The following WFDC1 variants were observed in gnomAD, a reference collection of about 807,000 sequenced individuals.
The protein encoded by WFDC1 is WAP four-disulfide core domain 1, also known as WAP four-disulfide core domain protein 1.
A neutral mutation model predicts 32.9 loss-of-function variants in WFDC1; 39 were observed. The ratio of observed to expected loss-of-function variants is 1.19; its 90% CI spans 0.92 to 1.55. WFDC1 has a LOEUF of 1.55. Ranked by LOEUF, WFDC1 falls within the 40% of genes most tolerant of loss-of-function variation. The pLI is 0.00. For missense variants in WFDC1, 386 were observed against 309.5 expected (o/e 1.25, Z -1.85); for synonymous variants, 184 against 137.4 (o/e 1.34, Z -2.37).
chr16:84,297,858 G>A (rs1009690967), intron 1 of WFDC1, among the ~76,000 whole-genome samples: 2 of 152,040 alleles, frequency 1.3e-5, no homozygotes, highest in African/African-American at 4.8e-5. Context: ...TGGCCCTTTC[G>A]TTCGACAGGG....
intron 1 of WFDC1, among the ~76,000 whole-genome samples, chr16:84,308,260 T>G (rs976844659): frequency 1.1e-4 from 16 of 152,034 alleles, no homozygotes; most frequent in South Asian, 2.1e-4. Context: ...GCCTTGGTGA[T>G]TCCACCAATT....
At chr16:84,301,993 G>T (rs1410294324) in intron 1 of WFDC1, among the ~76,000 whole-genome samples, 4 of 152,202 alleles carry the variant, frequency 2.6e-5, no homozygotes, top group African/African-American at 9.7e-5. Flanking sequence ...GGATGCCCAT[G>T]GGGTGAGCAC....
chr16:84,318,691 T>C (rs6564013), intron 3 of WFDC1: 242,180 of 244,514 alleles, frequency 0.99, 119,976 homozygotes, highest in East Asian at 1. Context: ...GAAGCCTCCC[T>C]GGGGGTGGGG....
chr16:84,305,934 C>T (rs908880174), intron 1 of WFDC1, among the ~76,000 whole-genome samples: 11 of 151,716 alleles, frequency 7.3e-5, no homozygotes, highest in East Asian at 1.9e-4. Flanking sequence ...GTCTGGGAGG[C>T]GGAGGTTGCA....
intron 1 of WFDC1, among the ~76,000 whole-genome samples, chr16:84,299,151 G>A (rs775666520): frequency 4.6e-5 from 7 of 151,954 alleles, no homozygotes; most frequent in Non-Finnish European, 8.8e-5. Flanking sequence ...TCCTGAGGTC[G>A]GGAGTTCAAA....
intron 5 of WFDC1, among the ~76,000 whole-genome samples, chr16:84,324,849 C>A (rs903089607): frequency 6.6e-6 from 1 of 151,894 alleles, no homozygotes; most frequent in Non-Finnish European, 1.5e-5. Flanking sequence ...CCCACCCATC[C>A]ATCTACCCAC....
chr16:84,319,745 C>G (rs1283831536), intron 4 of WFDC1, among the ~76,000 whole-genome samples, 174 bp downstream of exon 4: 5 of 152,180 alleles, frequency 3.3e-5, no homozygotes, highest in Non-Finnish European at 7.3e-5. Context: ...GGCCCCTACC[C>G]TTTCCCTGTC....
intron 1 of WFDC1, among the ~76,000 whole-genome samples, chr16:84,300,995 G>C (rs1906900113): frequency 6.6e-6 from 1 of 151,794 alleles, no homozygotes; most frequent in South Asian, 2.1e-4. Context: ...AGGAAAAGGA[G>C]AAGAGACATA....
chr16:84,325,539 C>T (rs887580535), intron 5 of WFDC1: 1 of 151,674 alleles, frequency 6.6e-6, no homozygotes, highest in African/African-American at 2.4e-5. Context: ...ATCCATCCAT[C>T]CACTCATCCA....
rs771082930 is a variant in WFDC1, at chr16:84,295,004, C to T, written c.33C>T (p.Cys11=). MPLTGVGPGS[C]RRQIIRALCL... is the part of the protein sequence containing the mutation. Reference sequence around the variant, plus strand: ...TAACCGGCGTGGGGCCGGGCAGCTGCAGGAGGCAGATCATCCGGGCTCTGT... The same window carrying T: ...TAACCGGCGTGGGGCCGGGCAGCTGTAGGAGGCAGATCATCCGGGCTCTGT... The change falls in exon 1 of 7, where the codon TGC becomes TGT. Residue 11 remains cysteine (C), a synonymous_variant. Transcript: ENST00000219454. 2 of 1,614,122 alleles carry T rather than the reference C, an allele frequency of 1.2e-6. No individual in the cohort carries two copies. The highest frequency in any genetic ancestry group is 1.7e-5 in the Admixed American group (1 of 60,026).
chr16:84,305,739 C>T (rs950410477), intron 1 of WFDC1, among the ~76,000 whole-genome samples: 7 of 152,162 alleles, frequency 4.6e-5, no homozygotes, highest in Non-Finnish European at 7.3e-5. Context: ...TGGTGGCTGA[C>T]GCTTGTAATC....
At chr16:84,317,283 ACT>A (rs1452152613) in intron 2 of WFDC1, 1 of 148,886 alleles carries the variant, frequency 6.7e-6, no homozygotes, top group East Asian at 2.0e-4. Context: ...ACAGAACAAG[ACT>A]CTGTCTCAAA....
intron 6 of WFDC1, chr16:84,327,247 C>A: frequency 8.6e-6 from 3 of 348,120 alleles, no homozygotes; most frequent in Non-Finnish European, 1.6e-5. Flanking sequence ...CTGGAGTGCA[C>A]TGGCACAATC....
intron 1 of WFDC1, among the ~76,000 whole-genome samples, chr16:84,299,743 C>G (rs1213399274): frequency 6.6e-6 from 1 of 152,204 alleles, no homozygotes; most frequent in Non-Finnish European, 1.5e-5. Context: ...TCTGTTTTCC[C>G]CTCTAAGCAC....
chr16:84,309,936 G>A (rs1025053607), intron 1 of WFDC1, among the ~76,000 whole-genome samples: 61 of 152,056 alleles, frequency 4.0e-4, no homozygotes, highest in African/African-American at 1.4e-3. Flanking sequence ...TGGATTTAGG[G>A]CCCACTGGAA....
intron 5 of WFDC1, among the ~76,000 whole-genome samples, chr16:84,325,431 G>C (rs1252477036): frequency 6.6e-6 from 1 of 151,928 alleles, no homozygotes; most frequent in Admixed American, 6.5e-5. Context: ...TTAAACTCCT[G>C]ACCTCAGGTG....
At chr16:84,297,138 G>A (rs944357573) in intron 1 of WFDC1, among the ~76,000 whole-genome samples, 10 of 152,154 alleles carry the variant, frequency 6.6e-5, no homozygotes, top group African/African-American at 1.7e-4. Context: ...TGATATGCGC[G>A]GGGGATTTGG....
At chr16:84,325,144 A>G (rs568328733) in intron 5 of WFDC1, among the ~76,000 whole-genome samples, 3 of 151,112 alleles carry the variant, frequency 2.0e-5, no homozygotes, top group East Asian at 2.0e-4. Context: ...TCATCCATTC[A>G]TCTATCCATC....
chr16:84,305,287 C>T (rs754754393), intron 1 of WFDC1, among the ~76,000 whole-genome samples: 2 of 152,230 alleles, frequency 1.3e-5, no homozygotes, highest in African/African-American at 4.8e-5. Context: ...TCCGTTTCCT[C>T]ACCTATGCAA....
Sources: allele counts gnomAD v4.1 joint callset (sites outside exome capture counted in the v4.1 genomes callset), GRCh38; gene constraint gnomAD v4.1.1; transcripts MANE v1.5; gene names NCBI Gene and HGNC (gene_info 2026-07-23, HGNC 2026-07-21).